The following BMPR1A variants were observed in gnomAD, a reference collection of about 807,000 sequenced individuals.
BMPR1A encodes the protein bone morphogenetic protein receptor type 1A, also known as bone morphogenetic protein receptor type-1A.
A neutral mutation model predicts 66.0 loss-of-function variants in BMPR1A; 7 were observed. The ratio of observed to expected loss-of-function variants is 0.11; its 90% confidence interval spans 0.06 to 0.20. BMPR1A has a LOEUF of 0.20. BMPR1A is among the 10% of genes least tolerant of loss of function. BMPR1A has a pLI of 1.00. For synonymous variants in BMPR1A, 200 were observed against 229.7 expected (o/e 0.87, Z 1.17); for missense variants, 408 against 669.1 (o/e 0.61, Z 4.31).
chr10:86,776,914 T>C (rs1268845768), intron 1 of BMPR1A, among the ~76,000 whole-genome samples: 4 of 152,180 alleles, frequency 2.6e-5, no homozygotes, highest in African/African-American at 7.2e-5. Flanking sequence ...AGTTCTGTTA[T>C]ACAATAATAA....
In BMPR1A at chr10:86,925,721, CTTTTT is replaced by C. The variant is rs11450437; in HGVS notation, c.*2015_*2019del. On this transcript the variant is annotated 3_prime_UTR_variant, in exon 13 of 13. Coordinates refer to ENST00000372037, the MANE Select transcript of BMPR1A (RefSeq NM_004329.3). ...CATAATCTTTAAAATCATTTGTCAT[CTTTTT>C]TTTTTTTTTTTTGAGACGGAGTCTC... 4 of 117,120 alleles carry C rather than the reference CTTTTT, an allele frequency of 3.4e-5. No homozygotes were observed. The highest frequency in any genetic ancestry group is 9.2e-5 in the Admixed American group (1 of 10,926). The allele number at this position is 117,120 out of a possible 1,614,324, so 7.3% of individuals were successfully genotyped here.
intron 1 of BMPR1A, among the ~76,000 whole-genome samples, chr10:86,773,581 G>A: frequency 8.4e-6 from 1 of 119,032 alleles, no homozygotes; most frequent in Non-Finnish European, 1.6e-5. Flanking sequence ...AACAGAGCAA[G>A]ACTCCGTCTC....
chr10:86,783,230 A>C (rs1317657958), intron 1 of BMPR1A, among the ~76,000 whole-genome samples: 1 of 152,118 alleles, frequency 6.6e-6, no homozygotes, highest in African/African-American at 2.4e-5. Context: ...TCTGTATGCT[A>C]GTACTATTTT....
chr10:86,794,142 AG>A (rs1362118366), intron 1 of BMPR1A, among the ~76,000 whole-genome samples: 1 of 152,212 alleles, frequency 6.6e-6, no homozygotes, highest in Non-Finnish European at 1.5e-5. Context: ...ACATATTCAT[AG>A]GTTACAGGGA....
chr10:86,824,839 A>G (rs1429260257), intron 1 of BMPR1A, among the ~76,000 whole-genome samples: 1 of 152,184 alleles, frequency 6.6e-6, no homozygotes, highest in Non-Finnish European at 1.5e-5. Context: ...ACCGGTGGTT[A>G]TCATTTTCTA....
At chr10:86,898,896 G>A (rs1192318268) in intron 5 of BMPR1A, among the ~76,000 whole-genome samples, 1 of 151,986 alleles carries the variant, frequency 6.6e-6, no homozygotes, top group Admixed American at 6.6e-5. Context: ...AGTAAAAATT[G>A]TTTAAAAGTT....
intron 2 of BMPR1A, among the ~76,000 whole-genome samples, chr10:86,869,450 C>CT (rs1457107969): frequency 2.5e-5 from 3 of 119,790 alleles, no homozygotes; most frequent in Admixed American, 1.8e-4. Context: ...GAGCAAGACT[C>CT]TGTCTCAAAA....
chr10:86,821,392 A>G (rs958350742), intron 1 of BMPR1A, among the ~76,000 whole-genome samples: 24 of 152,168 alleles, frequency 1.6e-4, no homozygotes, highest in African/African-American at 5.6e-4. Context: ...CTGTACTATA[A>G]TTTACATTAT....
chr10:86,930,910 A>C (rs1468621027), downstream of BMPR1A: 1 of 152,108 alleles, frequency 6.6e-6, no homozygotes, highest in Non-Finnish European at 1.5e-5. Context: ...CATTCTAAAC[A>C]TTATGCAGGA....
Position 86,778,781 on chromosome 10 carries a change from T to C in BMPR1A, c.-268+21862T>C, listed in dbSNP as rs141585759. Among the ~76,000 whole-genome samples, 102 of 152,248 alleles carry C rather than the reference T, an allele frequency of 6.7e-4. 1 individual carries two copies. The East Asian group carries it at 0.012, about 18-fold the overall frequency. Reference sequence around the variant, plus strand: ...CCTCTACCCTTCCTATCCTCTGTTCTGTGTTTTACTTATAAGTTTTTTAGT... The same window carrying C: ...CCTCTACCCTTCCTATCCTCTGTTCCGTGTTTTACTTATAAGTTTTTTAGT... On this transcript the variant is annotated intron_variant, in intron 1 of 12. Transcript: ENST00000372037.
At chr10:86,808,249 T>G (rs1436916025) in intron 1 of BMPR1A, among the ~76,000 whole-genome samples, 1 of 152,168 alleles carries the variant, frequency 6.6e-6, no homozygotes, top group African/African-American at 2.4e-5. Context: ...AGAAGGGATC[T>G]GTAGTGATCT....
At chr10:86,839,693 G>A (rs565824500) in intron 2 of BMPR1A, among the ~76,000 whole-genome samples, 4 of 141,626 alleles carry the variant, frequency 2.8e-5, no homozygotes, top group Non-Finnish European at 6.1e-5. Context: ...TTTTTTTTAA[G>A]ACAGGATCTT....
intron 2 of BMPR1A, among the ~76,000 whole-genome samples, chr10:86,869,574 T>C (rs1842827715): frequency 6.6e-6 from 1 of 151,360 alleles, no homozygotes; most frequent in South Asian, 2.1e-4. Flanking sequence ...CTGACCAACA[T>C]GGAGAAACTC....
At chr10:86,762,430 C>T (rs888228648) in intron 1 of BMPR1A, among the ~76,000 whole-genome samples, 2 of 152,154 alleles carry the variant, frequency 1.3e-5, no homozygotes, top group Non-Finnish European at 2.9e-5. Flanking sequence ...GCGATCTGGG[C>T]TCACTGCAAC....
intron 2 of BMPR1A, among the ~76,000 whole-genome samples, chr10:86,845,990 C>G (rs1842480829): frequency 6.6e-6 from 1 of 150,494 alleles, no homozygotes; most frequent in East Asian, 1.9e-4. Context: ...GAGCGAGACT[C>G]CGTCTCAAAA....
intron 2 of BMPR1A, among the ~76,000 whole-genome samples, chr10:86,844,795 A>T (rs1335824208): frequency 6.6e-6 from 1 of 152,116 alleles, no homozygotes; most frequent in African/African-American, 2.4e-5. Context: ...TTATTTATTT[A>T]GATGGAGTTT....
chr10:86,925,721 C>CTTTTTTTTTTTT lies in BMPR1A; in HGVS notation c.*2008_*2019dup, dbSNP rs11450437. ...CATAATCTTTAAAATCATTTGTCAT[C>CTTTTTTTTTTTT]TTTTTTTTTTTTTTTTTGAGACGGA... On this transcript the variant is annotated 3_prime_UTR_variant, in exon 13 of 13. Coordinates refer to ENST00000372037, the MANE Select transcript of BMPR1A (RefSeq NM_004329.3). 0.035 allele frequency: 4,043 copies of CTTTTTTTTTTTT among 116,610 alleles called. 508 individuals carry two copies. Among genetic ancestry groups the CTTTTTTTTTTTT allele is most frequent in the Non-Finnish European group, 0.048 (3,031 of 62,992 alleles). 7.2% of individuals were successfully genotyped at this position (116,610 alleles called of 1,614,324 possible). A position where few individuals can be genotyped will look rare whatever the true frequency, so the allele number is the denominator to read the frequency against.
At chr10:86,914,357 AGTACAT>A (rs1843532597) in intron 8 of BMPR1A, among the ~76,000 whole-genome samples, 1 of 152,208 alleles carries the variant, frequency 6.6e-6, no homozygotes, top group African/African-American at 2.4e-5. Flanking sequence ...AGACTTCTTC[AGTACAT>A]AAAAAACACA....
Position 86,820,904 on chromosome 10 carries a change from C to T in BMPR1A, c.-267-17961C>T, listed in dbSNP as rs1033842780. On this transcript the variant is annotated intron_variant, in intron 1 of 12. Coordinates refer to ENST00000372037, the MANE Select transcript of BMPR1A (RefSeq NM_004329.3). Reference sequence around the variant, plus strand: ...TTTCACTTATTTTTTTAAAGAAGGTCATTTAAAAAAATCATCCTGCAGTGG... The same window carrying T: ...TTTCACTTATTTTTTTAAAGAAGGTTATTTAAAAAAATCATCCTGCAGTGG... Among the ~76,000 whole-genome samples the T allele has an allele frequency of 4.6e-5, 7 of 151,918 alleles. No individual in the cohort carries two copies. The East Asian group carries it at 5.8e-4, about 13-fold the overall frequency.
Sources: allele counts gnomAD v4.1 joint callset (sites outside exome capture counted in the v4.1 genomes callset), GRCh38; gene constraint gnomAD v4.1.1; transcripts MANE v1.5; gene names NCBI Gene and HGNC (gene_info 2026-07-23, HGNC 2026-07-21).